The following MAP7 variants were observed in gnomAD, a reference collection of about 807,000 sequenced individuals.
MAP7 encodes ensconsin.
MAP7 carries 52 observed loss-of-function variants against 94.8 expected under a neutral mutation model. The observed-to-expected ratio is 0.55, with a 90% CI of 0.44 to 0.69. The LOEUF (loss-of-function observed/expected upper bound fraction) is 0.69. MAP7 is among the 30% of genes least tolerant of loss of function. The pLI, the probability that MAP7 is intolerant of heterozygous loss-of-function variation, is 0.00. For synonymous variants in MAP7, 350 were observed against 357.0 expected (o/e 0.98, Z 0.22); for missense variants, 940 against 964.6 (o/e 0.97, Z 0.34).
intron 1 of MAP7, among the ~76,000 whole-genome samples, chr6:136,483,854 T>C (rs1448992735): frequency 6.6e-6 from 1 of 152,162 alleles, no homozygotes; most frequent in Non-Finnish European, 1.5e-5. Flanking sequence ...CTTCAGATAT[T>C]TTTAACCTTT....
At chr6:136,546,339 C>A (rs1207444805) in intron 1 of MAP7, among the ~76,000 whole-genome samples, 1 of 151,142 alleles carries the variant, frequency 6.6e-6, no homozygotes, top group Non-Finnish European at 1.5e-5. Flanking sequence ...CATTAACCAT[C>A]CCCACCTCCC....
chr6:136,395,234 T>C (rs1276273958), intron 3 of MAP7, among the ~76,000 whole-genome samples: 2 of 151,652 alleles, frequency 1.3e-5, no homozygotes, highest in East Asian at 3.9e-4. Flanking sequence ...GTACCTGCTA[T>C]TTTTTGTCTT....
rs565632235 is a variant in MAP7 at position 136,476,104 on chromosome 6, T to A, written c.68-54305A>T. Reference sequence around the variant, plus strand: ...CAATTCAGCATGGATTGTCATCCAATGATCTTTGTTATGGTCCAGTCTTTT... The same window carrying A: ...CAATTCAGCATGGATTGTCATCCAAAGATCTTTGTTATGGTCCAGTCTTTT... On this transcript the variant is annotated intron_variant, in intron 1 of 17. Coordinates refer to ENST00000354570, the MANE Select transcript of MAP7 (RefSeq NM_003980.6). The A allele has an allele frequency of 3.9e-5, 6 of 152,342 alleles. No homozygotes were observed. The East Asian group carries it at 1.2e-3, about 29-fold the overall frequency. The allele number at this position is 152,342 out of a possible 1,614,324, so 9.4% of individuals were successfully genotyped here.
At chr6:136,541,390 A>C (rs192351602) in intron 1 of MAP7, among the ~76,000 whole-genome samples, 192 of 152,342 alleles carry the variant, frequency 1.3e-3, no homozygotes, top group Middle Eastern at 3.4e-3. Context: ...GTTATGCCAT[A>C]GTGAAGGATA....
In MAP7 at chr6:136,389,344, G is replaced by C. The variant is rs776663474; in HGVS notation, c.408+10C>G. 2.0e-6 allele frequency: 3 copies of C among 1,519,680 alleles called. No homozygotes were observed. Among genetic ancestry groups the C allele is most frequent in the African/African-American group, 2.8e-5 (2 of 70,764 alleles). The allele number at this position is 1,519,680 out of a possible 1,614,324, so 94.1% of individuals were successfully genotyped here. A position where few individuals can be genotyped will look rare whatever the true frequency, so the allele number is the denominator to read the frequency against. On this transcript the variant is annotated intron_variant, in intron 4 of 17. Transcript: ENST00000354570. ...GGAGCCACTCATATTCTTCCCGGGG[G>C]GCGGCTCACTTTGTCCTCCTCAAGT...
chr6:136,348,456 T>C (rs1368300304), intron 16 of MAP7, among the ~76,000 whole-genome samples: 1 of 152,152 alleles, frequency 6.6e-6, no homozygotes, highest in Non-Finnish European at 1.5e-5. Flanking sequence ...GTACTGGGGT[T>C]AAGGAGTATG....
At chr6:136,392,443 C>G (rs1361034266) in intron 3 of MAP7, among the ~76,000 whole-genome samples, 1 of 135,858 alleles carries the variant, frequency 7.4e-6, no homozygotes, top group South Asian at 2.5e-4. Flanking sequence ...TTTTCTATAT[C>G]AACACATGAA....
chr6:136,407,111 T>G (rs1456691188), intron 3 of MAP7, among the ~76,000 whole-genome samples: 1 of 152,248 alleles, frequency 6.6e-6, no homozygotes, highest in Non-Finnish European at 1.5e-5. Context: ...TAGTTAGTGC[T>G]CAATAAATAC....
chr6:136,359,550 T>C (rs1043046131), intron 15 of MAP7, among the ~76,000 whole-genome samples: 7 of 152,150 alleles, frequency 4.6e-5, no homozygotes, highest in African/African-American at 1.7e-4. Flanking sequence ...TAAGTATATA[T>C]ACATATATGC....
intron 1 of MAP7, among the ~76,000 whole-genome samples, chr6:136,516,068 G>A (rs1363274693): frequency 6.6e-6 from 1 of 152,094 alleles, no homozygotes; most frequent in African/African-American, 2.4e-5. Flanking sequence ...GACAATAAAC[G>A]ACTCAGCAAA....
chr6:136,495,453 T>TACACAC lies in MAP7; in HGVS notation c.67+54883_67+54888dup, dbSNP rs55923280. ...TCATGACAAGTGAGAAGTGTGAGAA[T>TACACAC]ACACACACACACACACACACACACA... On this transcript the variant is annotated intron_variant, in intron 1 of 17. Coordinates refer to ENST00000354570, the MANE Select transcript of MAP7 (RefSeq NM_003980.6). 2.6e-3 allele frequency among the ~76,000 whole-genome samples: 370 copies of TACACAC among 143,024 alleles called. 3 individuals carry two copies. Among genetic ancestry groups the TACACAC allele is most frequent in the Admixed American group, 0.018 (253 of 14,390 alleles). The allele number at this position is 143,024 out of a possible 152,430, so 93.8% of individuals were successfully genotyped here.
chr6:136,370,158 A>C (rs1262204561), intron 8 of MAP7, among the ~76,000 whole-genome samples: 1 of 152,226 alleles, frequency 6.6e-6, no homozygotes, highest in Non-Finnish European at 1.5e-5. Flanking sequence ...AAAGCCAACA[A>C]GCATATGAAA....
chr6:136,441,710 T>G (rs1025736466), intron 1 of MAP7, among the ~76,000 whole-genome samples: 7 of 152,042 alleles, frequency 4.6e-5, no homozygotes, highest in Admixed American at 2.6e-4. Context: ...ATGCTTTGAG[T>G]GGTTACAAAT....
chr6:136,469,338 A>T (rs1808192307), intron 1 of MAP7, among the ~76,000 whole-genome samples: 3 of 128,810 alleles, frequency 2.3e-5, no homozygotes, highest in African/African-American at 3.0e-5. Context: ...CTTCCTCCCT[A>T]CTTTCTTTCT....
At position 136,356,770 on chromosome 6, in the gene MAP7, G is replaced by C. The variant is rs114822509; in HGVS notation, c.1937C>G (p.Thr646Arg). The C allele has an allele frequency of 6.8e-4, 1,097 of 1,614,100 alleles. 12 individuals are homozygous for C. The African/African-American group carries it at 0.013, about 19-fold the overall frequency. The change falls in exon 16 of 18, where the codon ACA (threonine) becomes AGA (arginine). Residue 646 changes from threonine (T) to arginine (R), a missense_variant. Physicochemically the swap from Thr to Arg is moderately conservative, Grantham distance 71. Coordinates refer to ENST00000354570, the MANE Select transcript of MAP7 (RefSeq NM_003980.6). ...TGGCTTTCCATTTCCCGGAGCGTTT[G>C]TTGTACATGGAAGTGCAGACACCTC... ...GTEVSALPCT[T>R]NAPGNGKPVG...
chr6:136,388,726 C>G (rs1025877355), intron 4 of MAP7, among the ~76,000 whole-genome samples: 4 of 152,190 alleles, frequency 2.6e-5, no homozygotes, highest in Non-Finnish European at 5.9e-5. Flanking sequence ...TGGCGAACAA[C>G]AGGCATTCAA....
At chr6:136,448,901 T>C (rs1800160487) in intron 1 of MAP7, among the ~76,000 whole-genome samples, 1 of 151,668 alleles carries the variant, frequency 6.6e-6, no homozygotes. Flanking sequence ...ACTGTTAGAA[T>C]GACTAGAAGA....
intron 1 of MAP7, among the ~76,000 whole-genome samples, chr6:136,548,912 T>C (rs1459256119): frequency 6.6e-6 from 1 of 152,168 alleles, no homozygotes; most frequent in Non-Finnish European, 1.5e-5. Flanking sequence ...AGCGTCTAGC[T>C]CATCAAATTC....
At chr6:136,500,303 C>A (rs1404335974) in intron 1 of MAP7, among the ~76,000 whole-genome samples, 1 of 152,174 alleles carries the variant, frequency 6.6e-6, no homozygotes, top group Admixed American at 6.5e-5. Context: ...TCGTTGGCAT[C>A]CCAGGCCAGG....
Sources: gnomAD v4.1 joint callset for allele counts (sites outside exome capture counted in the v4.1 genomes callset) on GRCh38, gnomAD v4.1.1 for gene constraint, MANE v1.5 for transcripts, NCBI Gene and HGNC (gene_info 2026-07-23, HGNC 2026-07-21) for gene names.